SLC13A3: variants seen among roughly 807,000 people sequenced by gnomAD.
The protein encoded by SLC13A3 is Na(+)/dicarboxylate cotransporter 3.
Under a neutral mutation model 59.0 loss-of-function variants are expected in SLC13A3, and 40 were observed. That is an observed-to-expected ratio of 0.68 (90% CI 0.53 to 0.88). The LOEUF is 0.88. Among genes scored for constraint, SLC13A3 ranks in the 40% least tolerant of loss-of-function variants. The pLI, the probability that SLC13A3 is intolerant of heterozygous loss-of-function variation, is 0.00. For missense variants in SLC13A3, 699 were observed against 783.2 expected (o/e 0.89, Z 1.28); for synonymous variants, 317 against 330.3 (o/e 0.96, Z 0.44).
intron 12 of SLC13A3, among the ~76,000 whole-genome samples, chr20:46,560,838 G>A (rs1262537303): frequency 1.3e-5 from 2 of 152,156 alleles, no homozygotes; most frequent in African/African-American, 4.8e-5. Context: ...ACCTTGGGCT[G>A]AAAATCCTTG....
chr20:46,594,287 A>G (rs766134369), intron 5 of SLC13A3, among the ~76,000 whole-genome samples: 6 of 151,196 alleles, frequency 4.0e-5, no homozygotes, highest in Non-Finnish European at 7.4e-5. Flanking sequence ...GATATATTTT[A>G]GAAAATATAA....
intron 1 of SLC13A3, among the ~76,000 whole-genome samples, chr20:46,666,723 C>A (rs951699602): frequency 2.0e-5 from 3 of 152,002 alleles, no homozygotes; most frequent in Admixed American, 2.0e-4. Flanking sequence ...AGGCTGGTCT[C>A]GAACTCCTGG....
At chr20:46,585,042 CA>C in intron 8 of SLC13A3, 1 of 672,968 alleles carries the variant, frequency 1.5e-6, no homozygotes, top group African/African-American at 2.0e-5. Flanking sequence ...GAACACAATC[CA>C]ATAAGGAATT....
intron 1 of SLC13A3, among the ~76,000 whole-genome samples, chr20:46,666,126 G>A (rs1326386939): frequency 6.6e-6 from 1 of 152,196 alleles, no homozygotes; most frequent in African/African-American, 2.4e-5. Context: ...AATGTGAGAT[G>A]GTGGAATATT....
chr20:46,666,202 C>T (rs576000534), intron 1 of SLC13A3, among the ~76,000 whole-genome samples: 12 of 152,314 alleles, frequency 7.9e-5, no homozygotes, highest in African/African-American at 2.9e-4. Flanking sequence ...ATTTAAATAA[C>T]ATTGAGTCAC....
At chr20:46,627,417 GC>G (rs1191530201) in intron 1 of SLC13A3, among the ~76,000 whole-genome samples, 1 of 152,128 alleles carries the variant, frequency 6.6e-6, no homozygotes, top group Non-Finnish European at 1.5e-5. Flanking sequence ...ATAGGGAGGG[GC>G]GGGGACTGTG....
At chr20:46,645,720 G>A (rs1357713840) in intron 1 of SLC13A3, among the ~76,000 whole-genome samples, 1 of 152,116 alleles carries the variant, frequency 6.6e-6, no homozygotes, top group Non-Finnish European at 1.5e-5. Flanking sequence ...AGGGCAGATC[G>A]CAGGCCCATA....
intron 9 of SLC13A3, among the ~76,000 whole-genome samples, chr20:46,579,282 C>G (rs1030398113): frequency 6.6e-6 from 1 of 152,122 alleles, no homozygotes; most frequent in Non-Finnish European, 1.5e-5. Flanking sequence ...TGTGTGCCAC[C>G]ACACAGGCTA....
chr20:46,610,110 G>A (rs1023069225), intron 3 of SLC13A3, among the ~76,000 whole-genome samples: 1 of 152,130 alleles, frequency 6.6e-6, no homozygotes, highest in Non-Finnish European at 1.5e-5. Context: ...TCTGAGTACT[G>A]GTGATGCTGA....
At chr20:46,666,056 T>G (rs2063061083) in intron 1 of SLC13A3, among the ~76,000 whole-genome samples, 1 of 152,208 alleles carries the variant, frequency 6.6e-6, no homozygotes, top group Admixed American at 6.5e-5. Flanking sequence ...CCAGCAGAGC[T>G]GGTAGGTCTT....
chr20:46,595,049 G>T (rs2062297075), intron 5 of SLC13A3, among the ~76,000 whole-genome samples: 1 of 152,202 alleles, frequency 6.6e-6, no homozygotes, highest in Admixed American at 6.5e-5. Flanking sequence ...AGGTAAAGAA[G>T]TCAGCTAGTA....
chr20:46,560,048 C>T lies in SLC13A3; in HGVS notation c.1783G>A (p.Ala595Thr), dbSNP rs2061917339. The part of the protein sequence containing the change: ...VNVTALPPTL[A>T]NDTFRTL ...CAGAGGGTCCGAAATGTGTCATTGG[C>T]CAAGGTGGGTGGCAATGCTGTGACA... Residue 595 changes from alanine to threonine, a missense_variant, in exon 13 of 13, where the codon GCC (alanine) becomes ACC (threonine). Ala to Thr is a moderately conservative substitution (Grantham distance 58). Transcript: ENST00000279027. 1 of 1,614,076 alleles carries T rather than the reference C, an allele frequency of 6.2e-7. No homozygotes were observed. The highest frequency in any genetic ancestry group is 1.7e-4 in the Middle Eastern group (1 of 6,040).
chr20:46,578,109 T>C (rs1041109938), intron 9 of SLC13A3, among the ~76,000 whole-genome samples: 1 of 151,976 alleles, frequency 6.6e-6, no homozygotes, highest in African/African-American at 2.4e-5. Context: ...TGTATTTTTT[T>C]TTAGTAGAGA....
intron 3 of SLC13A3, among the ~76,000 whole-genome samples, chr20:46,602,214 G>A (rs548429209): frequency 2.8e-4 from 42 of 152,250 alleles, no homozygotes; most frequent in African/African-American, 7.9e-4. Context: ...GTGCATGCCT[G>A]TAGTCCCAAC....
At chr20:46,563,620 G>GAGAGAGAA in intron 11 of SLC13A3, 69 bp from the exon 12 acceptor site, 1 of 1,484,394 alleles carries the variant, frequency 6.7e-7, no homozygotes, top group Non-Finnish European at 9.1e-7. Context: ...AAGAGGGAGA[G>GAGAGAGAA]AGAGAGAGAG....
intron 1 of SLC13A3, among the ~76,000 whole-genome samples, chr20:46,644,002 C>T (rs1011706506): frequency 6.6e-6 from 1 of 152,092 alleles, no homozygotes; most frequent in Non-Finnish European, 1.5e-5. Flanking sequence ...CATGCCACTG[C>T]ACACCAGCCT....
intron 4 of SLC13A3, among the ~76,000 whole-genome samples, chr20:46,598,092 AT>A (rs1462744898): frequency 1.3e-5 from 2 of 152,238 alleles, no homozygotes; most frequent in East Asian, 1.9e-4. Flanking sequence ...TAACAAATCA[AT>A]TTTTTTAAAT....
intron 3 of SLC13A3, among the ~76,000 whole-genome samples, chr20:46,601,538 C>T (rs2062380357): frequency 1.3e-5 from 2 of 152,152 alleles, no homozygotes; most frequent in Admixed American, 6.5e-5. Context: ...AGTCCATGTC[C>T]TCATGGAGCT....
chr20:46,596,133 G>A (rs372885148), intron 5 of SLC13A3, 24 bp downstream of exon 5: 30 of 1,605,146 alleles, frequency 1.9e-5, no homozygotes, highest in Middle Eastern at 4.1e-4. Context: ...AACCCTCCCC[G>A]CCGGTGGGGA....
Sources: allele counts gnomAD v4.1 joint callset (sites outside exome capture counted in the v4.1 genomes callset), GRCh38; gene constraint gnomAD v4.1.1; transcripts MANE v1.5; gene names NCBI Gene and HGNC (gene_info 2026-07-23, HGNC 2026-07-21).